The following OVCH2 variants were observed in gnomAD, a reference collection of about 807,000 sequenced individuals.
The protein encoded by OVCH2 is ovochymase-2.
In OVCH2, 88 loss-of-function variants were observed where a neutral mutation model predicts 73.7. The ratio of observed to expected loss-of-function variants is 1.19; its 90% CI spans 1.01 to 1.43. The LOEUF (loss-of-function observed/expected upper bound fraction) is 1.43. Among genes scored for constraint, OVCH2 ranks in the 40% most tolerant of loss-of-function variants. OVCH2 has a pLI of 0.00. For synonymous variants in OVCH2, 265 were observed against 234.5 expected (o/e 1.13, Z -1.19); for missense variants, 706 against 674.5 (o/e 1.05, Z -0.52).
intron 15 of OVCH2, 89 bp downstream of exon 15, chr11:7,689,835 A>T (rs1856185340): frequency 6.3e-6 from 5 of 797,670 alleles, no homozygotes; most frequent in South Asian, 1.5e-5. Flanking sequence ...ATTTTGGAGG[A>T]AGATGGAATT....
downstream of OVCH2, among the ~76,000 whole-genome samples, chr11:7,684,596 C>T (rs1379647965): frequency 2.0e-5 from 3 of 148,906 alleles, no homozygotes; most frequent in Admixed American, 6.7e-5. Flanking sequence ...ACATTTTTTT[C>T]GTTTTGTTCC....
At chr11:7,679,864 A>C in the OVCH2 span, among the ~76,000 whole-genome samples, 1 of 152,170 alleles carries the variant, frequency 6.6e-6, no homozygotes, top group African/African-American at 2.4e-5. Flanking sequence ...CAAAGCTTCC[A>C]TAAATACCTC....
At chr11:7,691,841 C>A in intron 13 of OVCH2, 61 bp downstream of exon 13, 1 of 1,300,028 alleles carries the variant, frequency 7.7e-7, no homozygotes, top group Non-Finnish European at 1.1e-6. Context: ...CCTTTTCGTT[C>A]CCATCTCAAG....
intron 14 of OVCH2, among the ~76,000 whole-genome samples, chr11:7,690,856 T>C (rs1435106806): frequency 2.0e-5 from 3 of 152,158 alleles, no homozygotes; most frequent in Non-Finnish European, 4.4e-5. Flanking sequence ...TGCCGTCTAG[T>C]GTTCCTAAGT....
At chr11:7,688,702 A>G (rs1292831450), downstream of OVCH2, among the ~76,000 whole-genome samples, 4 of 152,226 alleles carry the variant, frequency 2.6e-5, no homozygotes, top group Non-Finnish European at 4.4e-5. Context: ...GGCAAACTAT[A>G]AAAGTTTCCC....
Position 7,691,272 on chromosome 11 carries a change from C to A in OVCH2, c.1636G>T (p.Ala546Ser). 3 of 1,609,312 alleles carry A rather than the reference C, an allele frequency of 1.9e-6. No homozygotes were observed. The highest frequency in any genetic ancestry group is 2.5e-6 in the Non-Finnish European group (3 of 1,177,822). Residue 546 changes from alanine to serine, a missense_variant, in exon 14 of 16, where the codon GCA becomes TCA. Ala to Ser is a moderately conservative substitution (Grantham distance 99). Coordinates refer to ENST00000533663, the MANE Select transcript of OVCH2 (RefSeq NM_198185.7). ...FQATVSFIPK[A>S]VYPDLNISIS... is the part of the protein sequence containing the mutation. ...GTTGGTAACTCTATCTTCTTACCTGCTTTAGGAATGAAGGAGACTGTAGCC... is the reference window on the plus strand; with the variant it reads ...GTTGGTAACTCTATCTTCTTACCTGATTTAGGAATGAAGGAGACTGTAGCC...
chr11:7,691,852 A>T, intron 13 of OVCH2, 50 bp downstream of exon 13: 3 of 1,415,270 alleles, frequency 2.1e-6, no homozygotes. Flanking sequence ...CCATCTCAAG[A>T]CTGGGTCCAA....
At position 7,696,767 on chromosome 11, in the gene OVCH2, C is replaced by G. The variant is rs764300379; in HGVS notation, c.958G>C (p.Gly320Arg). 1 of 1,611,408 alleles carries G rather than the reference C, an allele frequency of 6.2e-7. No individual in the cohort carries two copies. The highest frequency in any genetic ancestry group is 8.5e-7 in the Non-Finnish European group (1 of 1,178,752). The change falls in exon 9 of 16, where the codon GGG (glycine) becomes CGG (arginine). Residue 320 changes from glycine (G) to arginine (R), a missense_variant. By Grantham distance (125) the Gly-to-Arg change is moderately radical. Transcript: ENST00000533663. ...WCSEQDVIVS[G>R]AEGKLHFPES... ...GGGAAGTGCAGCTTCCCCTCAGCCC[C>G]GCTGACTATGACATCCTGCTCACTG...
At position 7,691,325 on chromosome 11, in the gene OVCH2, T is replaced by C; in HGVS notation, c.1583A>G (p.Asp528Gly). 6.2e-7 allele frequency: 1 copy of C among 1,613,838 alleles called. No individual in the cohort carries two copies. The highest frequency in any genetic ancestry group is 2.2e-5 in the East Asian group (1 of 44,866). Residue 528 changes from aspartate to glycine, a missense_variant, in exon 14 of 16, where the codon GAT (aspartate) becomes GGT (glycine). Asp to Gly is a moderately conservative substitution (Grantham distance 94, BLOSUM62 -1). Coordinates refer to ENST00000533663, the MANE Select transcript of OVCH2 (RefSeq NM_198185.7). ...AAAGCCCCTGCAGGTCCCGTTTTCA[T>C]CTGATTGGAAGCTGATGAGCATGAT... is the stretch of plus-strand genomic sequence containing the variant. ...SSIMLISFQS[D>G]ENGTCRGFQA...
intron 6 of OVCH2, 33 bp from the exon 7 acceptor site, chr11:7,700,518 T>C (rs776242451): frequency 1.9e-6 from 3 of 1,563,134 alleles, no homozygotes; most frequent in Non-Finnish European, 2.6e-6. Flanking sequence ...TTAGCATCAC[T>C]GTCAGTGTCT....
downstream of OVCH2, among the ~76,000 whole-genome samples, chr11:7,688,387 G>C (rs1238526447): frequency 2.0e-5 from 3 of 151,844 alleles, no homozygotes; most frequent in Admixed American, 2.0e-4. Flanking sequence ...TCTCTTTTTT[G>C]GTCTTTGGAA....
At chr11:7,704,070 A>G (rs1312406891) in intron 2 of OVCH2, among the ~76,000 whole-genome samples, 6 of 152,196 alleles carry the variant, frequency 3.9e-5, no homozygotes, top group Admixed American at 2.6e-4. Flanking sequence ...ACTTATTTTT[A>G]TAACACAGTT....
chr11:7,682,798 C>A, the OVCH2 span, among the ~76,000 whole-genome samples: 2 of 152,128 alleles, frequency 1.3e-5, no homozygotes, highest in African/African-American at 4.8e-5. Flanking sequence ...CTTCCTTATC[C>A]CCATCTAGGT....
downstream of OVCH2, among the ~76,000 whole-genome samples, chr11:7,685,860 T>C (rs1438847023): frequency 6.6e-6 from 1 of 152,178 alleles, no homozygotes; most frequent in Non-Finnish European, 1.5e-5. Context: ...TCCAGAACTG[T>C]TTTTCAGATT....
chr11:7,694,034 C>A (rs1355294035), intron 12 of OVCH2, among the ~76,000 whole-genome samples: 1 of 152,204 alleles, frequency 6.6e-6, no homozygotes, highest in Non-Finnish European at 1.5e-5. Flanking sequence ...CAATTTGGTT[C>A]TCCTCCCACA....
downstream of OVCH2, among the ~76,000 whole-genome samples, chr11:7,685,401 C>T (rs530160032): frequency 2.4e-4 from 36 of 151,824 alleles, 1 homozygote; most frequent in South Asian, 7.5e-3. Flanking sequence ...GTTATTAAGG[C>T]AATTCTATTT....
chr11:7,706,408 GT>G lies in OVCH2; in HGVS notation c.-15del. ...GCTTATAAGCATTTTGAGACTCATA[GT>G]TTTTCCCTGAAATTTTAGAGAGACT... On this transcript the variant is annotated 5_prime_UTR_variant, in exon 1 of 16. Coordinates refer to ENST00000533663, the MANE Select transcript of OVCH2 (RefSeq NM_198185.7). 1 of 1,556,480 alleles carries G rather than the reference GT, an allele frequency of 6.4e-7. No homozygotes were observed. The highest frequency in any genetic ancestry group is 8.7e-7 in the Non-Finnish European group (1 of 1,149,768).
At chr11:7,683,476 C>T in the OVCH2 span, among the ~76,000 whole-genome samples, 15 of 152,292 alleles carry the variant, frequency 9.8e-5, no homozygotes, top group Admixed American at 3.3e-4. Context: ...AATATCTTAC[C>T]TTGATTATTG....
chr11:7,696,712 T>C lies in OVCH2; in HGVS notation c.1013A>G (p.Lys338Arg). The C allele has an allele frequency of 6.2e-7, 1 of 1,613,820 alleles. No homozygotes were observed. Among genetic ancestry groups the C allele is most frequent in the Non-Finnish European group, 8.5e-7 (1 of 1,179,828 alleles). Residue 338 changes from lysine (K) to arginine (R), a missense_variant, in exon 9 of 16, where the codon AAG (lysine) becomes AGG (arginine). Physicochemically the swap from Lys to Arg is conservative, Grantham distance 26 (BLOSUM62 2). Coordinates refer to ENST00000533663, the MANE Select transcript of OVCH2 (RefSeq NM_198185.7). ...PESLHLYYES[K>R]QRCVWTLLVP... ...GAGTACAAAGGGGGTTACTCACTGC[T>C]TGCTCTCATAATATAGGTGGAGGCT...
Sources: gnomAD v4.1 joint callset for allele counts (sites outside exome capture counted in the v4.1 genomes callset) on GRCh38, gnomAD v4.1.1 for gene constraint, MANE v1.5 for transcripts, NCBI Gene and HGNC (gene_info 2026-07-23, HGNC 2026-07-21) for gene names.